Variants in MBP observed in about 807,000 individuals in gnomAD.
The protein encoded by MBP is Golli-MBP.
Under a neutral mutation model 35.8 loss-of-function variants are expected in MBP, and 16 were observed. The observed-to-expected ratio is 0.45, with a 90% CI of 0.30 to 0.68. The LOEUF is 0.68. Ranked by LOEUF, MBP falls within the 30% of genes least tolerant of loss-of-function variation. MBP has a pLI of 0.08. For synonymous variants in MBP, 143 were observed against 159.6 expected (o/e 0.90, Z 0.78); for missense variants, 380 against 404.7 (o/e 0.94, Z 0.52).
intron 2 of MBP, among the ~76,000 whole-genome samples, chr18:77,078,090 C>A (rs1423322884): frequency 6.6e-6 from 1 of 152,226 alleles, no homozygotes; most frequent in Admixed American, 6.5e-5. Context: ...CAGTCACCTG[C>A]TCTAACAGTG....
chr18:77,128,379 G>C (rs535453412), intron 1 of MBP, among the ~76,000 whole-genome samples: 21 of 152,176 alleles, frequency 1.4e-4, no homozygotes, highest in Non-Finnish European at 2.5e-4. Context: ...CAGCCTCAGG[G>C]AGGGGGAAGG....
At chr18:77,011,289 G>A (rs1438969374) in intron 4 of MBP, among the ~76,000 whole-genome samples, 1 of 152,246 alleles carries the variant, frequency 6.6e-6, no homozygotes, top group Non-Finnish European at 1.5e-5. Flanking sequence ...CTGTGCTGAT[G>A]AGACTTGGCT....
At chr18:77,064,198 A>T (rs1245369994) in intron 3 of MBP, among the ~76,000 whole-genome samples, 1 of 152,208 alleles carries the variant, frequency 6.6e-6, no homozygotes, top group Non-Finnish European at 1.5e-5. Context: ...AGGCAGATTT[A>T]TTCTTAAAAC....
intron 1 of MBP, among the ~76,000 whole-genome samples, chr18:77,125,744 C>CT (rs1206681887): frequency 6.6e-5 from 10 of 150,846 alleles, no homozygotes; most frequent in South Asian, 2.1e-4. Context: ...TGTTTCCCTC[C>CT]TTTTTTTTTG....
chr18:77,048,103 C>T (rs1032024835), intron 3 of MBP, among the ~76,000 whole-genome samples: 1 of 152,214 alleles, frequency 6.6e-6, no homozygotes, highest in Non-Finnish European at 1.5e-5. Flanking sequence ...AAGCATCTCT[C>T]GTTTGACGCC....
intron 1 of MBP, among the ~76,000 whole-genome samples, chr18:77,124,487 G>C (rs1976984619): frequency 1.3e-5 from 2 of 151,482 alleles, no homozygotes; most frequent in South Asian, 4.2e-4. Context: ...AGTAGCTGCT[G>C]TGGTCGCTGC....
At chr18:77,103,811 G>T (rs1212409368) in intron 2 of MBP, among the ~76,000 whole-genome samples, 4 of 152,234 alleles carry the variant, frequency 2.6e-5, no homozygotes, top group African/African-American at 4.8e-5. Flanking sequence ...GAGCGTCTCA[G>T]TGGGAAAAGG....
chr18:77,098,752 G>T (rs746888074), intron 2 of MBP, among the ~76,000 whole-genome samples: 4 of 152,230 alleles, frequency 2.6e-5, no homozygotes, highest in African/African-American at 4.8e-5. Flanking sequence ...GGCAGAGTGG[G>T]ACGTGGGGCT....
At chr18:76,986,877 T>C (rs1377102510) in intron 7 of MBP, 5 of 985,324 alleles carry the variant, frequency 5.1e-6, no homozygotes, top group Non-Finnish European at 2.4e-6. Flanking sequence ...TCCTTAGTCA[T>C]GTTTATCTTT....
chr18:77,075,134 G>T (rs369617613), intron 2 of MBP, among the ~76,000 whole-genome samples: 19 of 152,346 alleles, frequency 1.2e-4, no homozygotes, highest in African/African-American at 4.3e-4. Context: ...TGTCACGGCA[G>T]GTGGAATCAC....
chr18:77,024,036 A>C (rs531762442), intron 3 of MBP, among the ~76,000 whole-genome samples: 1 of 151,640 alleles, frequency 6.6e-6, no homozygotes, highest in East Asian at 1.9e-4. Context: ...AAGACACCAA[A>C]CCCCCCACTC....
chr18:77,047,243 G>A (rs185926384), intron 3 of MBP, among the ~76,000 whole-genome samples: 273 of 152,338 alleles, frequency 1.8e-3, no homozygotes, highest in Non-Finnish European at 1.9e-3. Context: ...CTGAACATCC[G>A]TGAGCTGATG....
intron 4 of MBP, among the ~76,000 whole-genome samples, chr18:76,995,707 G>A (rs977552827): frequency 1.3e-5 from 2 of 152,108 alleles, no homozygotes; most frequent in African/African-American, 2.4e-5. Context: ...ATCATAGATC[G>A]TTATCTATGA....
In MBP at chr18:76,991,359, G is replaced by A. The variant is rs541273621; in HGVS notation, c.577-1299C>T. 1.2e-3 allele frequency among the ~76,000 whole-genome samples: 184 copies of A among 152,324 alleles called. 1 individual carries two copies. The highest frequency in any genetic ancestry group is 2.0e-3 in the Non-Finnish European group (139 of 68,028). On this transcript the variant is annotated intron_variant, in intron 4 of 8. Transcript: ENST00000355994. ...CTGCGAGAGGTTAGCTCACAGTGGA[G>A]GGAAGGGAAAAGCCATGAGCGCCCG...
chr18:77,017,083 C>T lies in MBP; in HGVS notation c.325G>A (p.Asp109Asn). The part of the protein sequence containing the change: ...APGREDNTFK[D>N]RPSESDELQT... ...AGCTCGTCGGACTCAGAGGGCCTGT[C>T]TTTGAAGGTGTTGTCCTCCCTCCCC... The change falls in exon 4 of 9, where the codon GAC becomes AAC. Residue 109 changes from aspartate to asparagine, a missense_variant. By Grantham distance (23) the Asp-to-Asn change is conservative (BLOSUM62 1). Coordinates refer to ENST00000355994, the MANE Select transcript of MBP (RefSeq NM_001025101.2). The T allele has an allele frequency of 1.9e-6, 3 of 1,608,838 alleles. No individual in the cohort carries two copies. Among genetic ancestry groups the T allele is most frequent in the South Asian group, 2.2e-5 (2 of 90,992 alleles).
At chr18:77,122,104 T>C (rs953802592) in intron 1 of MBP, among the ~76,000 whole-genome samples, 1 of 152,092 alleles carries the variant, frequency 6.6e-6, no homozygotes, top group Non-Finnish European at 1.5e-5. Context: ...TGTGTATCAG[T>C]TGGATGATGA....
intron 4 of MBP, among the ~76,000 whole-genome samples, chr18:76,997,722 C>G (rs2974262): frequency 0.77 from 114,789 of 149,764 alleles, 44,525 homozygotes; most frequent in Admixed American, 0.83. Flanking sequence ...TCACTTTGTC[C>G]CCCAGGCTGG....
chr18:77,024,006 T>C (rs1378305551), intron 3 of MBP, among the ~76,000 whole-genome samples: 1 of 152,278 alleles, frequency 6.6e-6, no homozygotes, highest in African/African-American at 2.4e-5. Context: ...TGATATTTAC[T>C]GGAGTATACT....
In MBP at chr18:76,988,380, G is replaced by A. The variant is rs753878418; in HGVS notation, c.750+115C>T. 1.5e-5 allele frequency: 24 copies of A among 1,613,348 alleles called. No individual in the cohort carries two copies. In the East Asian group the frequency reaches 2.0e-4, roughly 13 times the overall value. On this transcript the variant is annotated intron_variant, in intron 7 of 8. Transcript: ENST00000355994. This position sits in a 1 kb window ranked among gnomAD's most constrained non-coding sequence, Gnocchi z 5.2. The stretch of plus-strand genomic sequence containing the variant: ...TCCCAGCTGTGGGCAGAGAGGTCTC[G>A]AGAGGAGAGAAAAGGAGGCCAGGAA...
Sources: allele counts gnomAD v4.1 joint callset (sites outside exome capture counted in the v4.1 genomes callset), GRCh38; gene constraint gnomAD v4.1.1; non-coding constraint Gnocchi (gnomAD v3.1); transcripts MANE v1.5; gene names NCBI Gene and HGNC (gene_info 2026-07-23, HGNC 2026-07-21).